Variants in RBFOX1 observed in about 807,000 individuals in gnomAD.
RBFOX1 encodes RNA binding fox-1 homolog 1.
Under a neutral mutation model 57.7 loss-of-function variants are expected in RBFOX1, and 8 were observed. The observed-to-expected ratio is 0.14, with a 90% CI of 0.08 to 0.25. The LOEUF is 0.25. Ranked by LOEUF, RBFOX1 falls within the 10% of genes least tolerant of loss-of-function variation. The pLI is 1.00. For synonymous variants in RBFOX1, 326 were observed against 222.4 expected (o/e 1.47, Z -4.15); for missense variants, 611 against 548.5 (o/e 1.11, Z -1.14).
chr16:5,762,116 A>T (rs1406699966), intron 3 of RBFOX1, among the ~76,000 whole-genome samples: 1 of 152,192 alleles, frequency 6.6e-6, no homozygotes, highest in Non-Finnish European at 1.5e-5. Flanking sequence ...AACCAATAGT[A>T]TACACTGTCT....
At position 5,869,918 on chromosome 16, in the gene RBFOX1, C is replaced by A. The variant is rs750970760; in HGVS notation, c.351+2583C>A. On this transcript the variant is annotated intron_variant, in intron 4 of 19. Coordinates refer to the RBFOX1 transcript ENST00000641259. ...ACCATACCCAAACACTGGAAACAAA[C>A]CAAATGTCTATTAACAGAGTAACAG... is the stretch of plus-strand genomic sequence containing the variant. Among the ~76,000 whole-genome samples, 214 of 151,982 alleles carry A rather than the reference C, an allele frequency of 1.4e-3. 3 individuals carry two copies. Among genetic ancestry groups the A allele is most frequent in the Non-Finnish European group, 2.2e-3 (149 of 68,000 alleles).
At chr16:6,283,482 GGCCT>G (rs1284009762) in intron 1 of RBFOX1, among the ~76,000 whole-genome samples, 1 of 152,190 alleles carries the variant, frequency 6.6e-6, no homozygotes, top group Non-Finnish European at 1.5e-5. Context: ...AACAATCAGA[GGCCT>G]GTTTTCTTGG....
Position 5,912,983 on chromosome 16 carries a change from G to A in RBFOX1, c.351+45648G>A, listed in dbSNP as rs149510777. Among the ~76,000 whole-genome samples the A allele has an allele frequency of 4.8e-3, 727 of 152,282 alleles. 11 individuals are homozygous for A. Among genetic ancestry groups the A allele is most frequent in the Admixed American group, 0.015 (231 of 15,290 alleles). ...CTTCCTAATGTACTTAAGTGACTCA[G>A]GATAAAAGTTCTCTTCTTAGGGTCA... is the stretch of plus-strand genomic sequence containing the variant. On this transcript the variant is annotated intron_variant, in intron 4 of 19. Coordinates refer to the RBFOX1 transcript ENST00000641259.
chr16:7,111,918 G>C (rs1460287816), intron 4 of RBFOX1, among the ~76,000 whole-genome samples: 4 of 151,996 alleles, frequency 2.6e-5, no homozygotes, highest in Non-Finnish European at 4.4e-5. Flanking sequence ...TTCTTCAAGT[G>C]GTCTCATTCA....
intron 1 of RBFOX1, among the ~76,000 whole-genome samples, chr16:5,437,127 A>G (rs763049700): frequency 6.6e-6 from 1 of 152,186 alleles, no homozygotes; most frequent in African/African-American, 2.4e-5. Context: ...TATAAATTGT[A>G]GTAAGAAAAT....
chr16:7,402,793 A>C (rs543371803), intron 4 of RBFOX1, among the ~76,000 whole-genome samples: 8 of 152,198 alleles, frequency 5.3e-5, no homozygotes, highest in Non-Finnish European at 1.2e-4. Flanking sequence ...TAACCTCAAC[A>C]GCAGGGATAG....
chr16:6,728,956 C>G (rs5006205), intron 3 of RBFOX1, among the ~76,000 whole-genome samples: 35,907 of 151,992 alleles, frequency 0.24, 4,480 homozygotes, highest in East Asian at 0.42. Flanking sequence ...CATACACACA[C>G]TTTTAGTCAA....
At chr16:6,377,930 A>G (rs1192265619) in intron 2 of RBFOX1, among the ~76,000 whole-genome samples, 2 of 152,122 alleles carry the variant, frequency 1.3e-5, no homozygotes, top group East Asian at 1.9e-4. Context: ...CTTCTCAAAG[A>G]TGATTCCTGA....
chr16:5,797,708 T>G (rs1261786073), intron 3 of RBFOX1, among the ~76,000 whole-genome samples: 1 of 152,252 alleles, frequency 6.6e-6, no homozygotes, highest in African/African-American at 2.4e-5. Flanking sequence ...AGGCCATATC[T>G]AAATTTATTA....
intron 1 of RBFOX1, among the ~76,000 whole-genome samples, chr16:5,262,231 G>C (rs201627076): frequency 6.6e-6 from 1 of 151,902 alleles, no homozygotes; most frequent in African/African-American, 2.4e-5. Context: ...ATGATGGTTA[G>C]TGTTATGTAT....
intron 1 of RBFOX1, among the ~76,000 whole-genome samples, chr16:5,307,865 A>G (rs1374225480): frequency 6.6e-6 from 1 of 152,124 alleles, no homozygotes; most frequent in Non-Finnish European, 1.5e-5. Context: ...ATTTGTAAAC[A>G]TGAGATCTCA....
At chr16:7,006,795 A>G (rs554989548) in intron 3 of RBFOX1, among the ~76,000 whole-genome samples, 4 of 152,316 alleles carry the variant, frequency 2.6e-5, no homozygotes, top group African/African-American at 9.6e-5. Flanking sequence ...GAGAACACTT[A>G]GCAAAGTTAA....
At position 6,135,625 on chromosome 16, in the gene RBFOX1, T is replaced by C. The variant is rs74005151; in HGVS notation, c.-127+115633T>C. ...TGACTTAAATCATTGCATTTAAGTG[T>C]AGGTAAATCAGAATGTCTGAAAAAA... On this transcript the variant is annotated intron_variant, in intron 1 of 15. Transcript: ENST00000550418. Among the ~76,000 whole-genome samples, 568 of 151,996 alleles carry C rather than the reference T, an allele frequency of 3.7e-3. 6 individuals carry two copies. The highest frequency in any genetic ancestry group is 0.013 in the African/African-American group (536 of 41,422).
chr16:5,819,946 G>T (rs907891349), intron 3 of RBFOX1, among the ~76,000 whole-genome samples: 3 of 152,106 alleles, frequency 2.0e-5, no homozygotes, highest in Non-Finnish European at 4.4e-5. Flanking sequence ...CTTTATCGTC[G>T]CATCCCACTC....
At chr16:7,529,313 G>A (rs756323218) in intron 5 of RBFOX1, among the ~76,000 whole-genome samples, 33 of 152,122 alleles carry the variant, frequency 2.2e-4, no homozygotes, top group Non-Finnish European at 4.6e-4. Flanking sequence ...TCACATCCAG[G>A]CAAGTAACAT....
chr16:7,030,497 C>T (rs1348624273), intron 3 of RBFOX1, among the ~76,000 whole-genome samples: 1 of 152,186 alleles, frequency 6.6e-6, no homozygotes, highest in Non-Finnish European at 1.5e-5. Context: ...TCCCACCTTC[C>T]AGTGGCTCCA....
At chr16:5,776,499 G>C (rs2054154677) in intron 3 of RBFOX1, among the ~76,000 whole-genome samples, 1 of 152,180 alleles carries the variant, frequency 6.6e-6, no homozygotes, top group African/African-American at 2.4e-5. Context: ...AGTCTAAAAG[G>C]GAAATGGTAA....
intron 4 of RBFOX1, among the ~76,000 whole-genome samples, chr16:5,919,871 C>G (rs1426766449): frequency 6.6e-6 from 1 of 152,040 alleles, no homozygotes; most frequent in Non-Finnish European, 1.5e-5. Flanking sequence ...AGCCTGTGAC[C>G]CTTTCTCTCT....
chr16:6,016,052 A>C (rs959844370), upstream of RBFOX1, among the ~76,000 whole-genome samples: 14 of 152,340 alleles, frequency 9.2e-5, no homozygotes, highest in East Asian at 2.7e-3. Context: ...TTTAGACAGC[A>C]ATCTACTGCA....
Sources: allele counts gnomAD v4.1 joint callset (sites outside exome capture counted in the v4.1 genomes callset), GRCh38; gene constraint gnomAD v4.1.1; transcripts MANE v1.5; gene names NCBI Gene and HGNC (gene_info 2026-07-23, HGNC 2026-07-21).